The following SLIT2 variants were observed in gnomAD, a reference collection of about 807,000 sequenced individuals.
The protein encoded by SLIT2 is slit homolog 2 protein.
Under a neutral mutation model 185.7 loss-of-function variants are expected in SLIT2, and 41 were observed. The observed-to-expected ratio is 0.22, with a 90% CI of 0.17 to 0.29. The LOEUF (loss-of-function observed/expected upper bound fraction) is 0.29, where lower values mean the gene tolerates loss of function less well. Ranked by LOEUF, SLIT2 falls within the 10% of genes least tolerant of loss-of-function variation. The probability of loss-of-function intolerance (pLI) is 1.00; values close to 1 mark genes in which losing one functional copy is unlikely to be tolerated. For missense variants in SLIT2, 1,571 were observed against 1,909.0 expected (o/e 0.82, Z 3.30); for synonymous variants, 693 against 680.2 (o/e 1.02, Z -0.29).
At chr4:20,365,229 C>T (rs1577507353) in intron 4 of SLIT2, among the ~76,000 whole-genome samples, 1 of 152,126 alleles carries the variant, frequency 6.6e-6, no homozygotes, top group South Asian at 2.1e-4. Context: ...ATTCCCGTAT[C>T]AGTTAAGAAT....
intron 4 of SLIT2, among the ~76,000 whole-genome samples, chr4:20,288,269 G>A (rs1377017673): frequency 6.6e-6 from 1 of 152,234 alleles, no homozygotes; most frequent in Admixed American, 6.5e-5. Flanking sequence ...CAGCAGTGTG[G>A]TGTGTAGGCC....
At chr4:20,255,263 A>G (rs931463734) in intron 1 of SLIT2, among the ~76,000 whole-genome samples, 1 of 152,196 alleles carries the variant, frequency 6.6e-6, no homozygotes, top group African/African-American at 2.4e-5. Context: ...TTGCACTTCA[A>G]GTCGCCCTTC....
At chr4:20,499,653 T>C (rs1718535142) in intron 9 of SLIT2, among the ~76,000 whole-genome samples, 1 of 152,074 alleles carries the variant, frequency 6.6e-6, no homozygotes, top group Admixed American at 6.6e-5. Context: ...CATACCCAGC[T>C]AGTTCTTTGT....
chr4:20,518,581 A>T (rs1318745199), intron 11 of SLIT2, among the ~76,000 whole-genome samples: 2 of 23,204 alleles, frequency 8.6e-5, no homozygotes, highest in Admixed American at 8.4e-4. Context: ...ATATATATAT[A>T]TATATATTTT....
intron 4 of SLIT2, among the ~76,000 whole-genome samples, chr4:20,293,517 T>C (rs897738790): frequency 6.6e-6 from 1 of 152,200 alleles, no homozygotes; most frequent in African/African-American, 2.4e-5. Flanking sequence ...AGCGTTTTGT[T>C]TGAGGTACTA....
intron 30 of SLIT2, among the ~76,000 whole-genome samples, chr4:20,590,055 G>A (rs574844752): frequency 4.6e-5 from 7 of 151,654 alleles, no homozygotes; most frequent in Admixed American, 1.3e-4. Context: ...ACAGGCGCCC[G>A]CCACCACGCC....
intron 4 of SLIT2, among the ~76,000 whole-genome samples, chr4:20,298,373 G>A (rs938876612): frequency 1.3e-5 from 2 of 152,168 alleles, no homozygotes; most frequent in African/African-American, 4.8e-5. Context: ...ACAGACGTGA[G>A]CCACTGCACC....
Position 20,253,558 on chromosome 4 carries a change from G to A in SLIT2, c.-258G>A. 1 of 554,386 alleles carries A rather than the reference G, an allele frequency of 1.8e-6. No individual in the cohort carries two copies. Among genetic ancestry groups the A allele is most frequent in the East Asian group, 3.0e-5 (1 of 33,286 alleles). 34.3% of individuals were successfully genotyped at this position (554,386 alleles called of 1,614,324 possible). On this transcript the variant is annotated 5_prime_UTR_variant, in exon 1 of 37. Transcript: ENST00000504154. ...CTCTTGGGGTCTCCTTGCAGCCCTGGCCAGGCGGATTCATCCTCAGGACCT... is the reference window on the plus strand; with the variant it reads ...CTCTTGGGGTCTCCTTGCAGCCCTGACCAGGCGGATTCATCCTCAGGACCT...
At position 20,488,898 on chromosome 4, in the gene SLIT2, G is replaced by A; in HGVS notation, c.691G>A (p.Gly231Ser). The A allele has an allele frequency of 6.2e-7, 1 of 1,613,012 alleles. No individual in the cohort carries two copies. ...CTGGCTTCGCCAAAGGCCTCGGGTTGGTCTGTACACTCAGTGTATGGGCCC... is the reference window on the plus strand; with the variant it reads ...CTGGCTTCGCCAAAGGCCTCGGGTTAGTCTGTACACTCAGTGTATGGGCCC... The part of the protein sequence containing the change: ...SDWLRQRPRV[G>S]LYTQCMGPSH... Residue 231 changes from glycine to serine, a missense_variant, in exon 8 of 37, where the codon GGT (glycine) becomes AGT (serine). This residue lies in a region of SLIT2 where 1,202 missense variants were observed against 1,416.4 expected (regional missense o/e 0.85). Transcript: ENST00000504154.
At chr4:20,421,852 G>A (rs1367638160) in intron 4 of SLIT2, among the ~76,000 whole-genome samples, 1 of 152,122 alleles carries the variant, frequency 6.6e-6, no homozygotes, top group Non-Finnish European at 1.5e-5. Flanking sequence ...GACAGCACCT[G>A]TGCATGTGCA....
At chr4:20,609,731 T>C (rs1235698698) in intron 33 of SLIT2, among the ~76,000 whole-genome samples, 1 of 152,232 alleles carries the variant, frequency 6.6e-6, no homozygotes, top group African/African-American at 2.4e-5. Context: ...AATTGTTACA[T>C]ATTGAGAGAA....
At chr4:20,367,455 A>G (rs1723207486) in intron 4 of SLIT2, among the ~76,000 whole-genome samples, 1 of 152,190 alleles carries the variant, frequency 6.6e-6, no homozygotes, top group South Asian at 2.1e-4. Flanking sequence ...AAGAAGCTTA[A>G]GAAAATGAAT....
intron 30 of SLIT2, among the ~76,000 whole-genome samples, chr4:20,590,367 C>G (rs1727425178): frequency 6.6e-6 from 1 of 152,078 alleles, no homozygotes; most frequent in South Asian, 2.1e-4. Context: ...CTTCTATGTG[C>G]TTCATTGTCT....
chr4:20,516,751 C>A (rs1720253956), intron 11 of SLIT2, among the ~76,000 whole-genome samples: 1 of 152,132 alleles, frequency 6.6e-6, no homozygotes, highest in Non-Finnish European at 1.5e-5. Context: ...CAGCCCTAGT[C>A]CTGCTAAACC....
At chr4:20,454,828 C>T (rs914606710) in intron 4 of SLIT2, among the ~76,000 whole-genome samples, 3 of 152,030 alleles carry the variant, frequency 2.0e-5, no homozygotes, top group East Asian at 1.9e-4. Context: ...AACCATACGT[C>T]GTGGGCAATA....
intron 9 of SLIT2, among the ~76,000 whole-genome samples, chr4:20,498,046 G>A (rs1260781755): frequency 6.6e-6 from 1 of 152,102 alleles, no homozygotes; most frequent in African/African-American, 2.4e-5. Flanking sequence ...GGCAGTGCGT[G>A]CCTGTAGTCC....
chr4:20,411,397 A>G (rs1727248980), intron 4 of SLIT2, among the ~76,000 whole-genome samples: 1 of 152,204 alleles, frequency 6.6e-6, no homozygotes, highest in African/African-American at 2.4e-5. Flanking sequence ...ACATTGCACT[A>G]GAGAGATTAA....
At chr4:20,616,573 C>T (rs1729671251) in intron 34 of SLIT2, 3 of 184,040 alleles carry the variant, frequency 1.6e-5, no homozygotes, top group African/African-American at 2.3e-5. Flanking sequence ...ATTCCCTTCC[C>T]CCAGTCTTGC....
chr4:20,550,868 C>T lies in SLIT2; in HGVS notation c.2531C>T (p.Ala844Val), dbSNP rs76692840. The T allele has an allele frequency of 1.2e-5, 19 of 1,608,092 alleles. No individual in the cohort carries two copies. In the East Asian group the frequency reaches 3.8e-4, roughly 32 times the overall value. Residue 844 changes from alanine to valine, a missense_variant, in exon 25 of 37, where the codon GCT becomes GTT. Around this residue, in one of 3 missense-constraint regions of SLIT2, gnomAD observed 1,202 missense variants for 1,416.4 expected, o/e 0.85. Coordinates refer to ENST00000504154, the MANE Select transcript of SLIT2 (RefSeq NM_004787.4). ...GACATTTCTGTTGTGCCTGAAGGTG[C>T]TTTCAATGATCTTTCTGCATTATCA... Reference protein sequence around the residue: ...GNDISVVPEGAFNDLSALSHL... With the variant: ...GNDISVVPEGVFNDLSALSHL...
Sources: gnomAD v4.1 joint callset for allele counts (sites outside exome capture counted in the v4.1 genomes callset) on GRCh38, gnomAD v4.1.1 for gene constraint, gnomAD v4.1.1 regional missense constraint, MANE v1.5 for transcripts, NCBI Gene and HGNC (gene_info 2026-07-23, HGNC 2026-07-21) for gene names.